Variants in ABCC11 observed in about 807,000 individuals in gnomAD.
ABCC11 encodes the protein ATP binding cassette subfamily C member 11, also known as ATP-binding cassette sub-family C member 11.
In ABCC11, 135 loss-of-function variants were observed where a neutral mutation model predicts 149.3. That is an observed-to-expected ratio of 0.90 (90% CI 0.79 to 1.04). The LOEUF is 1.04. ABCC11 is among the 50% of genes least tolerant of loss of function. The pLI, the probability that ABCC11 is intolerant of heterozygous loss-of-function variation, is 0.00. For synonymous variants in ABCC11, 665 were observed against 671.4 expected, an observed-to-expected ratio of 0.99 and a Z score of 0.15; for missense variants, 1,680 against 1,722.1, an observed-to-expected ratio of 0.98 and a Z score of 0.43.
At chr16:48,235,459 A>G (rs529577790) in intron 1 of ABCC11, among the ~76,000 whole-genome samples, 1 of 152,228 alleles carries the variant, frequency 6.6e-6, no homozygotes, top group East Asian at 1.9e-4. Flanking sequence ...ATGAAACCCA[A>G]CGAAAATTAA....
chr16:48,218,989 G>T (rs1172478489), intron 6 of ABCC11, among the ~76,000 whole-genome samples: 2 of 152,152 alleles, frequency 1.3e-5, no homozygotes, highest in Non-Finnish European at 2.9e-5. Context: ...ACACAAAGAT[G>T]TAGTATCATT....
At chr16:48,220,894 TG>T (rs1969689725) in intron 6 of ABCC11, among the ~76,000 whole-genome samples, 1 of 152,200 alleles carries the variant, frequency 6.6e-6, no homozygotes, top group African/African-American at 2.4e-5. Context: ...TTTGTGTCTT[TG>T]AAGGGGGCTC....
chr16:48,233,157 T>C (rs1000408527), intron 1 of ABCC11, among the ~76,000 whole-genome samples: 1 of 152,078 alleles, frequency 6.6e-6, no homozygotes, highest in African/African-American at 2.4e-5. Flanking sequence ...ACTGAGATTG[T>C]GCCACTGTAC....
rs143600477 is a variant in ABCC11, at chr16:48,166,070, T to C, written c.*1204A>G. ...CTATCTGGGGCCTGGCCAGCATCCA[T>C]ATCCATTCTTCCCTCAGGCACAATT... On this transcript the variant is annotated 3_prime_UTR_variant, in exon 30 of 30. Coordinates refer to ENST00000356608, the MANE Select transcript of ABCC11 (RefSeq NM_001370497.1). Among the ~76,000 whole-genome samples, 29 of 152,334 alleles carry C rather than the reference T, an allele frequency of 1.9e-4. No homozygotes were observed. Among genetic ancestry groups the C allele is most frequent in the African/African-American group, 7.0e-4 (29 of 41,578 alleles).
intron 14 of ABCC11, among the ~76,000 whole-genome samples, chr16:48,200,952 A>G (rs775591101): frequency 6.6e-5 from 10 of 152,240 alleles, no homozygotes; most frequent in Non-Finnish European, 1.3e-4. Flanking sequence ...TGATCATTAC[A>G]TATTCTACAG....
intron 4 of ABCC11, among the ~76,000 whole-genome samples, chr16:48,227,519 A>G (rs1970152719): frequency 6.6e-6 from 1 of 151,972 alleles, no homozygotes; most frequent in Non-Finnish European, 1.5e-5. Context: ...GAAAAAAATG[A>G]AAAATAACTT....
Position 48,170,222 on chromosome 16 carries a change from C to G in ABCC11, c.3778-4G>C, listed in dbSNP as rs545865894. On this transcript the variant is annotated splice_region_variant and splice_polypyrimidine_tract_variant and intron_variant, in intron 27 of 29. Coordinates refer to ENST00000356608, the MANE Select transcript of ABCC11 (RefSeq NM_001370497.1). ...GCTTTTTGGGGAACTTTGAGATCTG[C>G]GATATGGGAAGAAGAGACAACATAA... 15 of 1,608,894 alleles carry G rather than the reference C, an allele frequency of 9.3e-6. No homozygotes were observed. The highest frequency in any genetic ancestry group is 1.3e-5 in the Non-Finnish European group (15 of 1,175,328).
At chr16:48,170,834 G>GC in intron 27 of ABCC11, 55 bp downstream of exon 27, 2 of 1,498,078 alleles carry the variant, frequency 1.3e-6, no homozygotes, top group South Asian at 1.1e-5. Flanking sequence ...CAAAGGGGCA[G>GC]CCCCCCATGG....
At chr16:48,183,809 G>C (rs1415802759) in intron 23 of ABCC11, among the ~76,000 whole-genome samples, 2 of 152,132 alleles carry the variant, frequency 1.3e-5, no homozygotes, top group African/African-American at 2.4e-5. Context: ...CTCAGGACCA[G>C]ACTCAGAATC....
chr16:48,212,636 G>A (rs1007229499), intron 10 of ABCC11, among the ~76,000 whole-genome samples: 2 of 152,098 alleles, frequency 1.3e-5, no homozygotes, highest in Admixed American at 6.5e-5. Flanking sequence ...CTTGTTAATT[G>A]TCTGTTTCCA....
chr16:48,232,423 A>C (rs888644848), intron 1 of ABCC11, among the ~76,000 whole-genome samples: 4 of 152,154 alleles, frequency 2.6e-5, no homozygotes, highest in African/African-American at 9.7e-5. Context: ...GTGCTCAATA[A>C]ATGAAGAATG....
Position 48,224,748 on chromosome 16 carries a change from C to T in ABCC11, c.396-319G>A, listed in dbSNP as rs534651000. 1.2e-4 allele frequency among the ~76,000 whole-genome samples: 19 copies of T among 152,264 alleles called. No individual in the cohort carries two copies. In the East Asian group the frequency reaches 1.3e-3, roughly 11 times the overall value. Reference sequence around the variant, plus strand: ...TAAAAAACCATAGCACAGGGCCAGGCGCAGTGGCTCATGCCTGTAATCCCA... The same window carrying T: ...TAAAAAACCATAGCACAGGGCCAGGTGCAGTGGCTCATGCCTGTAATCCCA... On this transcript the variant is annotated intron_variant, in intron 4 of 29. Transcript: ENST00000356608.
chr16:48,197,524 G>A (rs559676946), intron 17 of ABCC11, among the ~76,000 whole-genome samples: 19 of 152,306 alleles, frequency 1.2e-4, no homozygotes, highest in African/African-American at 3.6e-4. Context: ...AATGGAAGTC[G>A]CTCCCTTCTG....
intron 6 of ABCC11, among the ~76,000 whole-genome samples, chr16:48,221,494 C>T (rs1289224428): frequency 6.6e-6 from 1 of 151,670 alleles, no homozygotes; most frequent in Admixed American, 6.6e-5. Context: ...AATAACCAGG[C>T]AGGTGAAAGG....
In ABCC11 at chr16:48,208,945, G is replaced by A. The variant is rs952280878; in HGVS notation, c.1609-449C>T. Among the ~76,000 whole-genome samples the A allele has an allele frequency of 3.9e-5, 6 of 152,156 alleles. No individual in the cohort carries two copies. In the South Asian group the frequency reaches 1.0e-3, roughly 26 times the overall value. ...AATAGTGATCTGAGTTTCCTCTATG[G>A]ACCTAGTAATGAAGAAAAGACCTCA... On this transcript the variant is annotated intron_variant, in intron 11 of 29. Transcript: ENST00000356608.
At chr16:48,187,808 GAGAGA>G (rs1188243768) in intron 20 of ABCC11, among the ~76,000 whole-genome samples, 1 of 152,168 alleles carries the variant, frequency 6.6e-6, no homozygotes, top group Non-Finnish European at 1.5e-5. Flanking sequence ...ATTAGAGAGA[GAGAGA>G]ATACATTAAA....
chr16:48,205,411 A>T lies in ABCC11; in HGVS notation c.1805+2T>A. 6.2e-7 allele frequency: 1 copy of T among 1,614,090 alleles called. No homozygotes were observed. The highest frequency in any genetic ancestry group is 8.5e-7 in the Non-Finnish European group (1 of 1,179,990). ...TCTCCCTTTCCCCTCCCAGGAGCTT[A>T]CCGGGCCTTGTCATATGCGCCTCCC... On this transcript the variant is annotated splice_donor_variant, in intron 13 of 29. Coordinates refer to ENST00000356608, the MANE Select transcript of ABCC11 (RefSeq NM_001370497.1). LOFTEE classifies it high-confidence loss of function.
chr16:48,244,563 G>C, intron 1 of ABCC11: 1 of 1,532,692 alleles, frequency 6.5e-7, no homozygotes, highest in Non-Finnish European at 8.8e-7. Context: ...CATCCTGGGC[G>C]TCATCCCCAA....
intron 1 of ABCC11, chr16:48,232,221 T>A: frequency 2.7e-6 from 1 of 375,544 alleles, no homozygotes; most frequent in Non-Finnish European, 4.4e-6. Flanking sequence ...CAATCTCCTT[T>A]GATGTATCAA....
Sources: allele counts gnomAD v4.1 joint callset (sites outside exome capture counted in the v4.1 genomes callset), GRCh38; gene constraint gnomAD v4.1.1; transcripts MANE v1.5; gene names NCBI Gene and HGNC (gene_info 2026-07-23, HGNC 2026-07-21).